The following VTI1A variants were observed in gnomAD, a reference collection of about 807,000 sequenced individuals.
The protein encoded by VTI1A is vesicle transport through interaction with t-SNAREs 1A, also known as vesicle transport through interaction with t-SNAREs homolog 1A.
A neutral mutation model predicts 34.9 loss-of-function variants in VTI1A; 22 were observed. The ratio of observed to expected loss-of-function variants is 0.63; its 90% CI spans 0.45 to 0.90. The LOEUF is 0.90. Ranked by LOEUF, VTI1A falls within the 40% of genes least tolerant of loss-of-function variation. The probability of loss-of-function intolerance (pLI) is 0.00; values close to 1 mark genes in which losing one functional copy is unlikely to be tolerated. For missense variants in VTI1A, 268 were observed against 275.6 expected, an observed-to-expected ratio of 0.97 and a Z score of 0.20; for synonymous variants, 87 against 97.3, an observed-to-expected ratio of 0.89 and a Z score of 0.62.
intron 4 of VTI1A, chr10:112,527,427 T>A (rs1266640404): frequency 2.2e-5 from 6 of 267,772 alleles, no homozygotes; most frequent in Non-Finnish European, 4.2e-5. Flanking sequence ...ACTTAAGGAA[T>A]AACTTGAAAC....
At chr10:112,760,985 CG>C (rs1851446215) in intron 7 of VTI1A, among the ~76,000 whole-genome samples, 1 of 151,638 alleles carries the variant, frequency 6.6e-6, no homozygotes, top group African/African-American at 2.4e-5. Context: ...ATGCAGAAAT[CG>C]GACATAGAAC....
intron 4 of VTI1A, among the ~76,000 whole-genome samples, chr10:112,532,485 C>T (rs1041527078): frequency 6.6e-6 from 1 of 152,126 alleles, no homozygotes; most frequent in African/African-American, 2.4e-5. Flanking sequence ...TGGTCGTCAT[C>T]TCACTTATAC....
intron 7 of VTI1A, chr10:112,737,521 G>A (rs1850531651): frequency 2.9e-6 from 3 of 1,050,678 alleles, no homozygotes; most frequent in Non-Finnish European, 3.4e-6. Flanking sequence ...GACGGGGTGT[G>A]CAGTATTTTA....
At chr10:112,509,265 TTA>T (rs1229127585) in intron 3 of VTI1A, among the ~76,000 whole-genome samples, 2 of 152,172 alleles carry the variant, frequency 1.3e-5, no homozygotes, top group Admixed American at 6.5e-5. Flanking sequence ...TAATCACCGC[TTA>T]AAAGACAAAG....
chr10:112,830,849 A>ATATTTTTTTTTTTTT, the VTI1A span, among the ~76,000 whole-genome samples: 1 of 33,498 alleles, frequency 3.0e-5, no homozygotes, highest in Non-Finnish European at 4.9e-5. Context: ...ATATATATAT[A>ATATTTTTTTTTTTTT]TTTTTTTTTT....
At chr10:112,838,210 C>T in the VTI1A span, among the ~76,000 whole-genome samples, 1 of 152,194 alleles carries the variant, frequency 6.6e-6, no homozygotes, top group Admixed American at 6.5e-5. Flanking sequence ...TCTGTGTATT[C>T]TGCTCCCAAG....
intron 7 of VTI1A, among the ~76,000 whole-genome samples, chr10:112,795,055 G>C (rs1030503262): frequency 6.6e-6 from 1 of 152,210 alleles, no homozygotes; most frequent in African/African-American, 2.4e-5. Flanking sequence ...GACAGATGTT[G>C]TTGTCCCTGA....
rs776805600 is a variant in VTI1A, at chr10:112,815,749, T to A, written c.*366T>A. On this transcript the variant is annotated 3_prime_UTR_variant, in exon 8 of 8. Transcript: ENST00000393077. Reference sequence around the variant, plus strand: ...ATGATGAGTCAGTCACGAGAGCTTCTGTTTGTCACCCGCCTCTTGTTGCTG... The same window carrying A: ...ATGATGAGTCAGTCACGAGAGCTTCAGTTTGTCACCCGCCTCTTGTTGCTG... 3 of 279,792 alleles carry A rather than the reference T, an allele frequency of 1.1e-5. No homozygotes were observed. The highest frequency in any genetic ancestry group is 2.0e-5 in the Non-Finnish European group (3 of 146,460). The allele number at this position is 279,792 out of a possible 1,614,324, so 17.3% of individuals were successfully genotyped here.
At chr10:112,468,755 G>T (rs189470472) in intron 3 of VTI1A, among the ~76,000 whole-genome samples, 1 of 152,218 alleles carries the variant, frequency 6.6e-6, no homozygotes, top group Non-Finnish European at 1.5e-5. Context: ...GGTATTTGTA[G>T]CCCAGACCTC....
chr10:112,783,867 C>G (rs762088788), intron 7 of VTI1A, among the ~76,000 whole-genome samples: 1 of 152,138 alleles, frequency 6.6e-6, no homozygotes, highest in African/African-American at 2.4e-5. Context: ...AGTCTAGGCA[C>G]TCCTGAACAA....
At chr10:112,756,128 A>G (rs958352258) in intron 7 of VTI1A, among the ~76,000 whole-genome samples, 1 of 152,182 alleles carries the variant, frequency 6.6e-6, no homozygotes, top group African/African-American at 2.4e-5. Context: ...AAGAATAATT[A>G]TGCTCCGTGG....
At chr10:112,737,248 T>TC in intron 7 of VTI1A, 3 of 822,224 alleles carry the variant, frequency 3.6e-6, no homozygotes. Flanking sequence ...TTTTTGTATT[T>TC]CTTTTTTTTT....
At chr10:112,698,673 A>G (rs1463827735) in intron 7 of VTI1A, among the ~76,000 whole-genome samples, 2 of 152,246 alleles carry the variant, frequency 1.3e-5, no homozygotes, top group African/African-American at 4.8e-5. Context: ...ATGGTTAAAC[A>G]CGTGTTTGAA....
chr10:112,779,293 T>C (rs554783452), intron 7 of VTI1A, among the ~76,000 whole-genome samples: 26 of 152,208 alleles, frequency 1.7e-4, no homozygotes, highest in Non-Finnish European at 3.2e-4. Flanking sequence ...ATGTATTTAC[T>C]AGACGCTAAG....
intron 3 of VTI1A, among the ~76,000 whole-genome samples, chr10:112,489,418 G>C (rs1848749853): frequency 6.6e-6 from 1 of 152,020 alleles, no homozygotes. Flanking sequence ...TTTGTGTACT[G>C]CCAAACAGAA....
rs201140578 is a variant in VTI1A at position 112,704,377 on chromosome 10, T to TTA, written c.560+35389_560+35390dup. 3.4e-3 allele frequency among the ~76,000 whole-genome samples: 514 copies of TTA among 151,826 alleles called. 4 individuals carry two copies. Among genetic ancestry groups the TTA allele is most frequent in the African/African-American group, 0.011 (446 of 41,192 alleles). ...GAGTAATCAAATTCTTAGATAACAA[T>TTA]TATATATATATGACCCCACAGGGAC... On this transcript the variant is annotated intron_variant, in intron 7 of 7. Transcript: ENST00000393077.
chr10:112,692,905 G>A (rs968996015), intron 7 of VTI1A, among the ~76,000 whole-genome samples: 10 of 152,198 alleles, frequency 6.6e-5, no homozygotes, highest in South Asian at 2.1e-4. Context: ...GGACAGGGAC[G>A]AGCTTTCATC....
intron 7 of VTI1A, among the ~76,000 whole-genome samples, chr10:112,812,797 A>C (rs987846118): frequency 9.2e-5 from 14 of 152,116 alleles, no homozygotes; most frequent in Non-Finnish European, 1.9e-4. Flanking sequence ...CCCAGCACAA[A>C]GGAGTTCCTT....
intron 5 of VTI1A, among the ~76,000 whole-genome samples, chr10:112,544,440 A>T (rs569319997): frequency 2.4e-4 from 36 of 152,160 alleles, no homozygotes; most frequent in African/African-American, 8.4e-4. Flanking sequence ...ATGTTAAGTT[A>T]TCCACCCACC....
Sources: gnomAD v4.1 joint callset for allele counts (sites outside exome capture counted in the v4.1 genomes callset) on GRCh38, gnomAD v4.1.1 for gene constraint, MANE v1.5 for transcripts, NCBI Gene and HGNC (gene_info 2026-07-23, HGNC 2026-07-21) for gene names.